ZNF487: variants seen among roughly 807,000 people sequenced by gnomAD.
ZNF487 encodes the protein zinc finger protein 487.
ZNF487 carries 4 observed loss-of-function variants against 3.0 expected under a neutral mutation model. The ratio of observed to expected loss-of-function variants is 1.35; its 90% CI spans 0.66 to 3.08. ZNF487 has a LOEUF of 3.08. Ranked by LOEUF, ZNF487 falls within the 30% of genes most tolerant of loss-of-function variation. The pLI is 0.01. For missense variants in ZNF487, 146 were observed against 98.7 expected (o/e 1.48, Z -2.03); for synonymous variants, 55 against 34.6 (o/e 1.59, Z -2.06).
intron 1 of ZNF487, among the ~76,000 whole-genome samples, chr10:43,473,580 G>A (rs192295952): frequency 1.1e-3 from 161 of 149,406 alleles, no homozygotes; most frequent in African/African-American, 3.8e-3. Flanking sequence ...GTGCAGTGGC[G>A]CGATCTCAGC....
At chr10:43,479,166 G>T (rs571636399) in intron 3 of ZNF487, among the ~76,000 whole-genome samples, 2 of 149,172 alleles carry the variant, frequency 1.3e-5, no homozygotes, top group East Asian at 3.9e-4. Context: ...GTCTTGCTGT[G>T]TTGCTCAGAC....
At chr10:43,471,336 C>T (rs534683593) in intron 1 of ZNF487, among the ~76,000 whole-genome samples, 4 of 152,248 alleles carry the variant, frequency 2.6e-5, no homozygotes, top group South Asian at 2.1e-4. Flanking sequence ...GGTGCCAAGG[C>T]GAGGGTGCCC....
chr10:43,516,316 C>T, the ZNF487 span, among the ~76,000 whole-genome samples: 1 of 152,140 alleles, frequency 6.6e-6, no homozygotes, highest in Non-Finnish European at 1.5e-5. Context: ...GAGTCCTTGG[C>T]ATTTTTGGGT....
chr10:43,515,281 G>T, the ZNF487 span, among the ~76,000 whole-genome samples: 1 of 152,126 alleles, frequency 6.6e-6, no homozygotes, highest in Non-Finnish European at 1.5e-5. Context: ...TTTAGTTATA[G>T]GTCTAGAAGC....
the ZNF487 span, among the ~76,000 whole-genome samples, chr10:43,509,053 GC>G: frequency 4.0e-5 from 6 of 151,608 alleles, no homozygotes; most frequent in Non-Finnish European, 7.4e-5. Context: ...AATTAGCTAG[GC>G]ATGGTGGTGC....
the ZNF487 span, among the ~76,000 whole-genome samples, chr10:43,519,729 G>A: frequency 2.6e-5 from 4 of 152,200 alleles, no homozygotes; most frequent in Non-Finnish European, 5.9e-5. Flanking sequence ...GCCTCCCAAA[G>A]TGCTGGGATT....
In ZNF487 at chr10:43,454,714, G is replaced by A. The variant is rs1840113625; in HGVS notation, c.-94+17452G>A. The A allele has an allele frequency of 2.0e-5, 3 of 152,136 alleles. No individual in the cohort carries two copies. The South Asian group carries it at 6.2e-4, about 32-fold the overall frequency. The allele number at this position is 152,136 out of a possible 1,614,324, so 9.4% of individuals were successfully genotyped here. A position where few individuals can be genotyped will look rare whatever the true frequency, so the allele number is the denominator to read the frequency against. Reference sequence around the variant, plus strand: ...TTGGTAGAGACTAGTCTGAAAAGCTGAGAAAAGATAAAGCAGAATTAAAAC... The same window carrying A: ...TTGGTAGAGACTAGTCTGAAAAGCTAAGAAAAGATAAAGCAGAATTAAAAC... On this transcript the variant is annotated intron_variant, in intron 1 of 3. Coordinates refer to ENST00000437590, the MANE Select transcript of ZNF487 (RefSeq NM_001355444.3).
chr10:43,463,728 T>TTC (rs1163933330), intron 1 of ZNF487, among the ~76,000 whole-genome samples: 142 of 150,920 alleles, frequency 9.4e-4, no homozygotes, highest in African/African-American at 3.4e-3. Flanking sequence ...TTTTTTTTTT[T>TTC]AGCATGTGCT....
At chr10:43,495,153 G>A in the ZNF487 span, among the ~76,000 whole-genome samples, 832 of 148,876 alleles carry the variant, frequency 5.6e-3, 2 homozygotes, top group Middle Eastern at 0.029. Flanking sequence ...CCAACAAACA[G>A]TACTATTTGT....
At chr10:43,501,986 G>C in the ZNF487 span, among the ~76,000 whole-genome samples, 1 of 152,234 alleles carries the variant, frequency 6.6e-6, no homozygotes, top group East Asian at 1.9e-4. Flanking sequence ...TATTCCTCAA[G>C]GATCTAGAAC....
At chr10:43,505,661 G>A in the ZNF487 span, among the ~76,000 whole-genome samples, 5 of 151,770 alleles carry the variant, frequency 3.3e-5, no homozygotes, top group African/African-American at 1.2e-4. Flanking sequence ...CATTTTCTTT[G>A]AGATGGAGTT....
the ZNF487 span, among the ~76,000 whole-genome samples, chr10:43,490,520 T>TTTC: frequency 7.5e-6 from 1 of 132,480 alleles, no homozygotes; most frequent in African/African-American, 2.8e-5. Context: ...TTTTTTTTTT[T>TTTC]TTTTTTGAGA....
the ZNF487 span, among the ~76,000 whole-genome samples, chr10:43,509,819 C>T: frequency 2.0e-5 from 3 of 152,026 alleles, no homozygotes; most frequent in East Asian, 1.9e-4. Context: ...CAGACACGCC[C>T]GGGATCCATA....
the ZNF487 span, among the ~76,000 whole-genome samples, chr10:43,499,711 G>A: frequency 1.3e-5 from 2 of 151,602 alleles, no homozygotes; most frequent in African/African-American, 4.8e-5. Context: ...AGGTTGCACT[G>A]TCACACTCCA....
intron 1 of ZNF487, among the ~76,000 whole-genome samples, chr10:43,466,986 G>C (rs917872959): frequency 6.6e-6 from 1 of 151,168 alleles, no homozygotes; most frequent in African/African-American, 2.4e-5. Context: ...TCCTGCCGCA[G>C]CCTCCTCAGT....
At chr10:43,439,112 C>A (rs998312060) in intron 1 of ZNF487, among the ~76,000 whole-genome samples, 1 of 151,872 alleles carries the variant, frequency 6.6e-6, no homozygotes. Flanking sequence ...CATGGTGGCA[C>A]ATGCCTGTAA....
chr10:43,482,005 G>T lies in ZNF487; in HGVS notation c.*83G>T, dbSNP rs1020220962. On this transcript the variant is annotated 3_prime_UTR_variant, in exon 4 of 4. Coordinates refer to ENST00000437590, the MANE Select transcript of ZNF487 (RefSeq NM_001355444.3). ...AACTCACATAAGGAAGAGTCACCAT[G>T]AATTCAATGAATGTGAGAGGAGGTC... 2 of 589,532 alleles carry T rather than the reference G, an allele frequency of 3.4e-6. No homozygotes were observed. The highest frequency in any genetic ancestry group is 6.0e-6 in the Non-Finnish European group (2 of 335,178). 36.5% of individuals were successfully genotyped at this position (589,532 alleles called of 1,614,324 possible).
chr10:43,502,387 TG>T, the ZNF487 span, among the ~76,000 whole-genome samples: 20 of 148,668 alleles, frequency 1.3e-4, no homozygotes, highest in South Asian at 8.6e-4. Context: ...TGTCGTGGGG[TG>T]GGGGGGGATA....
At chr10:43,486,516 A>G (rs1038520806), downstream of ZNF487, among the ~76,000 whole-genome samples, 1 of 152,174 alleles carries the variant, frequency 6.6e-6, no homozygotes, top group Non-Finnish European at 1.5e-5. Context: ...ACAAGAGTGA[A>G]ACTCCTTCTC....
Sources: gnomAD v4.1 joint callset for allele counts (sites outside exome capture counted in the v4.1 genomes callset) on GRCh38, gnomAD v4.1.1 for gene constraint, MANE v1.5 for transcripts, NCBI Gene and HGNC (gene_info 2026-07-23, HGNC 2026-07-21) for gene names.